Variants in DGUOK observed in about 807,000 individuals in gnomAD.
DGUOK encodes the protein deoxyguanosine kinase, mitochondrial.
In DGUOK, 30 loss-of-function variants were observed where a neutral mutation model predicts 36.6. The ratio of observed to expected loss-of-function variants is 0.82; its 90% CI spans 0.61 to 1.11. DGUOK has a LOEUF of 1.11. Among genes scored for constraint, DGUOK ranks in the 50% most tolerant of loss-of-function variants. The probability of loss-of-function intolerance (pLI) is 0.00; values close to 1 mark genes in which losing one functional copy is unlikely to be tolerated. For missense variants in DGUOK, 361 were observed against 336.4 expected, an observed-to-expected ratio of 1.07 and a Z score of -0.57; for synonymous variants, 145 against 126.3, an observed-to-expected ratio of 1.15 and a Z score of -0.99.
At chr2:73,951,346 G>A (rs542135323) in intron 4 of DGUOK, among the ~76,000 whole-genome samples, 1 of 152,214 alleles carries the variant, frequency 6.6e-6, no homozygotes, top group South Asian at 2.1e-4. Context: ...GTGACCTTGG[G>A]CAGCCCCTGG....
At chr2:73,951,657 A>T (rs1466924532) in intron 4 of DGUOK, among the ~76,000 whole-genome samples, 1 of 152,162 alleles carries the variant, frequency 6.6e-6, no homozygotes, top group East Asian at 1.9e-4. Flanking sequence ...GATGAGTGGG[A>T]GAGCTCCCAT....
intron 1 of DGUOK, among the ~76,000 whole-genome samples, chr2:73,937,592 G>T: frequency 6.6e-6 from 1 of 152,222 alleles, no homozygotes; most frequent in African/African-American, 2.4e-5. Flanking sequence ...TGGATGGTGT[G>T]TTCATACCCT....
In DGUOK at chr2:73,926,917, G is replaced by C. The variant is rs1309022733; in HGVS notation, c.7G>C (p.Ala3Pro). 3.7e-6 allele frequency: 6 copies of C among 1,613,428 alleles called. No homozygotes were observed. The South Asian group carries it at 5.5e-5, about 15-fold the overall frequency. Reference protein sequence around the residue: MAAGRLFLSRLRA... With the variant: MAPGRLFLSRLRA... ...TGTGTGAATCGTGGGTGGGATGGCC[G>C]CGGGCCGCCTCTTTCTAAGTCGGCT... The change falls in exon 1 of 7, where the codon GCG becomes CCG. Residue 3 changes from alanine to proline, a missense_variant. Physicochemically the swap from Ala to Pro is conservative, Grantham distance 27. Transcript: ENST00000264093.
At chr2:73,955,037 T>C (rs1364727730) in intron 4 of DGUOK, among the ~76,000 whole-genome samples, 3 of 152,140 alleles carry the variant, frequency 2.0e-5, no homozygotes, top group Admixed American at 6.5e-5. Flanking sequence ...TCTTTTTTTT[T>C]CCCCACTCAA....
intron 4 of DGUOK, among the ~76,000 whole-genome samples, chr2:73,953,300 TCG>T (rs1299853304): frequency 6.7e-4 from 52 of 77,592 alleles, no homozygotes; most frequent in Admixed American, 6.3e-3. Flanking sequence ...ATCGTCGTCG[TCG>T]TCGTCGTCGT....
At chr2:73,934,991 G>A (rs62151970) in intron 1 of DGUOK, among the ~76,000 whole-genome samples, 8 of 150,104 alleles carry the variant, frequency 5.3e-5, no homozygotes, top group South Asian at 4.2e-4. Context: ...CAGGAGAATC[G>A]CTTGAACCCA....
intron 1 of DGUOK, among the ~76,000 whole-genome samples, chr2:73,934,444 A>G (rs1241812544): frequency 6.6e-6 from 1 of 152,206 alleles, no homozygotes; most frequent in Non-Finnish European, 1.5e-5. Context: ...TCCAAAATTC[A>G]TAATACTGAG....
At chr2:73,945,682 TAA>T (rs535314630) in intron 2 of DGUOK, among the ~76,000 whole-genome samples, 2 of 152,180 alleles carry the variant, frequency 1.3e-5, no homozygotes, top group African/African-American at 4.8e-5. Context: ...GGTGATTGAA[TAA>T]AAAATACAGA....
chr2:73,954,147 A>G (rs1478659628), intron 4 of DGUOK, among the ~76,000 whole-genome samples: 1 of 151,902 alleles, frequency 6.6e-6, no homozygotes, highest in Non-Finnish European at 1.5e-5. Context: ...TTTAAGACCC[A>G]CCTGGGCAAC....
intron 1 of DGUOK, among the ~76,000 whole-genome samples, chr2:73,931,252 T>C (rs1430897882): frequency 5.9e-5 from 9 of 151,968 alleles, no homozygotes; most frequent in Admixed American, 5.9e-4. Context: ...AAGAAACACA[T>C]GCAGTTTTTT....
At chr2:73,954,127 A>T (rs1486684814) in intron 4 of DGUOK, among the ~76,000 whole-genome samples, 1 of 152,014 alleles carries the variant, frequency 6.6e-6, no homozygotes, top group Non-Finnish European at 1.5e-5. Flanking sequence ...GGACTGCTTG[A>T]GCCCAGGAGT....
At chr2:73,934,811 G>A (rs777383278) in intron 1 of DGUOK, among the ~76,000 whole-genome samples, 6 of 149,090 alleles carry the variant, frequency 4.0e-5, no homozygotes, top group Non-Finnish European at 8.9e-5. Flanking sequence ...AGTGGCTCAC[G>A]CCTGTAATCC....
intron 6 of DGUOK, 81 bp from the exon 7 acceptor site, chr2:73,958,629 G>C (rs1683309987): frequency 1.7e-6 from 2 of 1,207,178 alleles, no homozygotes; most frequent in African/African-American, 3.0e-5. Flanking sequence ...CATGGGCTTG[G>C]CTGCATATGC....
chr2:73,930,782 CTTTTTT>C (rs1020072202), intron 1 of DGUOK, among the ~76,000 whole-genome samples: 1 of 95,476 alleles, frequency 1.0e-5, no homozygotes, highest in African/African-American at 3.7e-5. Flanking sequence ...ACATAATTTT[CTTTTTT>C]TTTTTCTTTT....
chr2:73,956,600 GGACT>G (rs1430635358), intron 4 of DGUOK, among the ~76,000 whole-genome samples: 1 of 152,144 alleles, frequency 6.6e-6, no homozygotes, highest in Non-Finnish European at 1.5e-5. Context: ...AAGCCCACAA[GGACT>G]GCACTGCTAG....
At chr2:73,932,625 G>T in intron 1 of DGUOK, 1 of 1,298,638 alleles carries the variant, frequency 7.7e-7, no homozygotes. Context: ...ATCAGAATGA[G>T]AGCACCCATT....
At chr2:73,929,098 C>T (rs375628160) in intron 1 of DGUOK, among the ~76,000 whole-genome samples, 1 of 152,100 alleles carries the variant, frequency 6.6e-6, no homozygotes, top group Non-Finnish European at 1.5e-5. Flanking sequence ...TCCTCCTCTC[C>T]TTCTTCCTCC....
intron 6 of DGUOK, 32 bp downstream of exon 6, chr2:73,958,277 G>T: frequency 1.3e-6 from 2 of 1,546,266 alleles, no homozygotes; most frequent in South Asian, 2.2e-5. Context: ...GTTTTCTGGT[G>T]GTTTCCTTTG....
intron 1 of DGUOK, among the ~76,000 whole-genome samples, chr2:73,936,925 G>A (rs564554945): frequency 1.3e-5 from 2 of 152,312 alleles, no homozygotes; most frequent in Admixed American, 1.3e-4. Flanking sequence ...GCTTCACACA[G>A]GAGGTTCATC....
Sources: allele counts gnomAD v4.1 joint callset (sites outside exome capture counted in the v4.1 genomes callset), GRCh38; gene constraint gnomAD v4.1.1; transcripts MANE v1.5; gene names NCBI Gene and HGNC (gene_info 2026-07-23, HGNC 2026-07-21).